Variants in CHSY3 observed in about 807,000 individuals in gnomAD.
The protein encoded by CHSY3 is N-acetylgalactosaminyl-proteoglycan 3-beta-glucuronosyltransferase 3.
A neutral mutation model predicts 67.2 loss-of-function variants in CHSY3; 35 were observed. The observed-to-expected ratio is 0.52, with a 90% CI of 0.40 to 0.69. CHSY3 has a LOEUF of 0.69. Among genes scored for constraint, CHSY3 ranks in the 30% least tolerant of loss-of-function variants. The pLI is 0.00. For synonymous variants in CHSY3, 474 were observed against 434.7 expected (o/e 1.09, Z -1.12); for missense variants, 1,069 against 1,138.5 (o/e 0.94, Z 0.88).
At chr5:130,144,122 A>G (rs1314508697) in intron 2 of CHSY3, among the ~76,000 whole-genome samples, 1 of 151,230 alleles carries the variant, frequency 6.6e-6, no homozygotes, top group Non-Finnish European at 1.5e-5. Flanking sequence ...CTATAAATAT[A>G]TCTTTCCAAG....
At chr5:129,986,242 G>A (rs1763197673) in intron 2 of CHSY3, among the ~76,000 whole-genome samples, 2 of 152,192 alleles carry the variant, frequency 1.3e-5, no homozygotes, top group African/African-American at 4.8e-5. Context: ...ATGAAGGGAT[G>A]TTGAATTTTA....
At chr5:130,146,142 C>G (rs997886090) in intron 2 of CHSY3, among the ~76,000 whole-genome samples, 2 of 152,214 alleles carry the variant, frequency 1.3e-5, no homozygotes, top group East Asian at 3.9e-4. Flanking sequence ...GAAGATATAT[C>G]TACACTCCCA....
chr5:129,912,065 AAAC>A (rs1010928004), intron 2 of CHSY3, among the ~76,000 whole-genome samples: 1 of 152,146 alleles, frequency 6.6e-6, no homozygotes, highest in African/African-American at 2.4e-5. Context: ...AGAAACAAAC[AAAC>A]AACAACAACA....
intron 2 of CHSY3, among the ~76,000 whole-genome samples, chr5:129,944,313 T>C (rs1761784184): frequency 6.6e-6 from 1 of 152,208 alleles, no homozygotes. Flanking sequence ...AGTTTTCATT[T>C]GCCTAAACAG....
At chr5:129,985,985 G>A (rs1397487823) in intron 2 of CHSY3, among the ~76,000 whole-genome samples, 2 of 152,018 alleles carry the variant, frequency 1.3e-5, no homozygotes, top group Admixed American at 1.3e-4. Flanking sequence ...AAGAGAGATG[G>A]TTTGACTTCC....
intron 2 of CHSY3, among the ~76,000 whole-genome samples, chr5:129,942,636 TATAG>T (rs1761732616): frequency 6.6e-6 from 1 of 152,178 alleles, no homozygotes; most frequent in Non-Finnish European, 1.5e-5. Flanking sequence ...ATCTCCGTTT[TATAG>T]ATAATGAAAC....
At chr5:130,001,393 C>T in intron 2 of CHSY3, 3 of 896,748 alleles carry the variant, frequency 3.3e-6, no homozygotes, top group Non-Finnish European at 4.0e-6. Context: ...TTCTCCTTTT[C>T]CTCCAGAGTT....
chr5:130,080,260 A>G (rs967445332), intron 2 of CHSY3, among the ~76,000 whole-genome samples: 1 of 151,888 alleles, frequency 6.6e-6, no homozygotes, highest in African/African-American at 2.4e-5. Flanking sequence ...CCATGTACCC[A>G]TCTCTCTGTG....
chr5:130,096,297 G>A (rs1298420166), intron 2 of CHSY3, among the ~76,000 whole-genome samples: 2 of 152,092 alleles, frequency 1.3e-5, no homozygotes, highest in Admixed American at 1.3e-4. Context: ...TCAGTCTTCC[G>A]AGTAGCTGAG....
chr5:130,110,324 G>A (rs1767553199), intron 2 of CHSY3, among the ~76,000 whole-genome samples: 1 of 151,882 alleles, frequency 6.6e-6, no homozygotes, highest in Non-Finnish European at 1.5e-5. Context: ...TGTTTTAGAT[G>A]CAATGGTTAG....
chr5:129,904,565 G>A lies in CHSY3; in HGVS notation c.-265G>A. The A allele has an allele frequency of 7.3e-6, 3 of 411,342 alleles. No homozygotes were observed. Among genetic ancestry groups the A allele is most frequent in the Non-Finnish European group, 7.8e-6 (2 of 258,020 alleles). The allele number at this position is 411,342 out of a possible 1,614,324, so 25.5% of individuals were successfully genotyped here. A position where few individuals can be genotyped will look rare whatever the true frequency, so the allele number is the denominator to read the frequency against. ...AGCTGCCGCTGCTGCCGCCGCTGCC[G>A]CCACCGCCGCCGCCGGGAGAAGTTT... On this transcript the variant is annotated 5_prime_UTR_variant, in exon 1 of 3. Transcript: ENST00000305031.
intron 2 of CHSY3, among the ~76,000 whole-genome samples, chr5:130,051,438 T>A (rs1302252941): frequency 6.6e-6 from 1 of 152,088 alleles, no homozygotes; most frequent in East Asian, 1.9e-4. Flanking sequence ...AAAAACATGT[T>A]TTTTAGACAC....
At chr5:130,002,729 A>G (rs866120477) in intron 2 of CHSY3, among the ~76,000 whole-genome samples, 1 of 152,166 alleles carries the variant, frequency 6.6e-6, no homozygotes, top group South Asian at 2.1e-4. Flanking sequence ...ACATTTTATC[A>G]TATATGCATC....
At chr5:130,022,141 A>C (rs1038938854) in intron 2 of CHSY3, among the ~76,000 whole-genome samples, 2 of 152,090 alleles carry the variant, frequency 1.3e-5, no homozygotes, top group Non-Finnish European at 2.9e-5. Context: ...GTATTAATGT[A>C]GAAAATAATT....
At chr5:129,998,205 T>C (rs897315501) in intron 2 of CHSY3, among the ~76,000 whole-genome samples, 3 of 151,772 alleles carry the variant, frequency 2.0e-5, no homozygotes, top group Non-Finnish European at 4.4e-5. Context: ...CTAGCCTATA[T>C]GTATGTGTAT....
At chr5:129,960,900 T>C (rs1762311684) in intron 2 of CHSY3, among the ~76,000 whole-genome samples, 1 of 152,060 alleles carries the variant, frequency 6.6e-6, no homozygotes, top group African/African-American at 2.4e-5. Context: ...CTAGTGTTCG[T>C]AGTTATCAAA....
chr5:130,143,810 G>GTATGTATATATATATATA (rs1554085961), intron 2 of CHSY3, among the ~76,000 whole-genome samples: 1 of 56,490 alleles, frequency 1.8e-5, no homozygotes, highest in Non-Finnish European at 3.1e-5. Flanking sequence ...ATATATGTGT[G>GTATGTATATATATATATA]TATATATATA....
At chr5:129,975,081 T>C (rs1203206289) in intron 2 of CHSY3, 4 of 150,792 alleles carry the variant, frequency 2.7e-5, no homozygotes, top group Non-Finnish European at 5.9e-5. Context: ...TGTTGTGGGG[T>C]GGGGGTAGGG....
chr5:130,143,655 G>A (rs1697177928), intron 2 of CHSY3, among the ~76,000 whole-genome samples: 1 of 148,482 alleles, frequency 6.7e-6, no homozygotes, highest in African/African-American at 2.5e-5. Flanking sequence ...GTCTTTTGGT[G>A]AACATATGTA....
Sources: allele counts gnomAD v4.1 joint callset (sites outside exome capture counted in the v4.1 genomes callset), GRCh38; gene constraint gnomAD v4.1.1; transcripts MANE v1.5; gene names NCBI Gene and HGNC (gene_info 2026-07-23, HGNC 2026-07-21).